CAMK1D: variants seen among roughly 807,000 people sequenced by gnomAD.
CAMK1D encodes calcium/calmodulin-dependent protein kinase type 1D.
A neutral mutation model predicts 47.7 loss-of-function variants in CAMK1D; 9 were observed. The ratio of observed to expected loss-of-function variants is 0.19; its 90% confidence interval spans 0.11 to 0.33. CAMK1D has a LOEUF of 0.33. CAMK1D is among the 10% of genes least tolerant of loss of function. The pLI is 1.00. For missense variants in CAMK1D, 291 were observed against 488.7 expected (o/e 0.60, Z 3.81); for synonymous variants, 184 against 184.9 (o/e 0.99, Z 0.04).
rs1163664501 is a variant in CAMK1D, at chr10:12,417,755, A to G, written c.92+67845A>G. 3.3e-5 allele frequency among the ~76,000 whole-genome samples: 5 copies of G among 151,678 alleles called. No individual in the cohort carries two copies. In the South Asian group the frequency reaches 6.2e-4, roughly 19 times the overall value. Reference sequence around the variant, plus strand: ...GGCTACACTCTTATGTGGAAGGCCAATGGGTAGTGGGCATCTCTATGCTCT... The same window carrying G: ...GGCTACACTCTTATGTGGAAGGCCAGTGGGTAGTGGGCATCTCTATGCTCT... On this transcript the variant is annotated intron_variant, in intron 1 of 10. Coordinates refer to ENST00000619168, the MANE Select transcript of CAMK1D (RefSeq NM_153498.4).
intron 1 of CAMK1D, among the ~76,000 whole-genome samples, chr10:12,371,246 T>C (rs1367229510): frequency 6.6e-6 from 1 of 152,024 alleles, no homozygotes; most frequent in Admixed American, 6.6e-5. Context: ...GAAGCTCCAT[T>C]CATGACTAGT....
At chr10:12,462,156 GTTTTTTTTTTTTT>G (rs57336292) in intron 1 of CAMK1D, among the ~76,000 whole-genome samples, 1,186 of 79,670 alleles carry the variant, frequency 0.015, 18 homozygotes, top group African/African-American at 0.056. Flanking sequence ...CCTATGAAGA[GTTTTTTTTTTTTT>G]TTTTTTTTTT....
At chr10:12,695,060 A>ATAGATAGATAGATAGATAGATACATAGG (rs1554811991) in intron 3 of CAMK1D, among the ~76,000 whole-genome samples, 2 of 86,026 alleles carry the variant, frequency 2.3e-5, no homozygotes, top group South Asian at 3.7e-4. Flanking sequence ...AGATAGATAG[A>ATAGATAGATAGATAGATAGATACATAGG]TAGATACATA....
intron 6 of CAMK1D, among the ~76,000 whole-genome samples, chr10:12,803,989 G>A (rs750005381): frequency 4.6e-5 from 7 of 152,122 alleles, no homozygotes; most frequent in Non-Finnish European, 1.0e-4. Flanking sequence ...GAGGAGCTCC[G>A]CAGCAAGGAA....
rs557331944 is a variant in CAMK1D, at chr10:12,365,659, C to G, written c.92+15749C>G. The stretch of plus-strand genomic sequence containing the variant: ...TTCACCGTGTTAGCCAGGATGGTCT[C>G]GATCTGCTGACCTCGTGATCTGCCT... On this transcript the variant is annotated intron_variant, in intron 1 of 10. Coordinates refer to ENST00000619168, the MANE Select transcript of CAMK1D (RefSeq NM_153498.4). 3.8e-3 allele frequency among the ~76,000 whole-genome samples: 570 copies of G among 151,848 alleles called. 5 individuals carry two copies. The highest frequency in any genetic ancestry group is 0.013 in the African/African-American group (541 of 41,492).
intron 3 of CAMK1D, among the ~76,000 whole-genome samples, chr10:12,670,699 C>G (rs974045312): frequency 2.0e-5 from 3 of 152,092 alleles, no homozygotes; most frequent in Non-Finnish European, 4.4e-5. Context: ...GGGCACCTGC[C>G]ACCATGCCCA....
At chr10:12,597,393 G>T (rs1838175459) in intron 2 of CAMK1D, among the ~76,000 whole-genome samples, 1 of 152,148 alleles carries the variant, frequency 6.6e-6, no homozygotes, top group South Asian at 2.1e-4. Context: ...TTGTGGTTCA[G>T]TTCTGCCTGC....
chr10:12,653,124 A>T (rs1199556925), intron 2 of CAMK1D: 2 of 154,304 alleles, frequency 1.3e-5, no homozygotes, highest in Admixed American at 6.5e-5. Flanking sequence ...GGGGCATCAC[A>T]TGGCTGGGGG....
intron 3 of CAMK1D, among the ~76,000 whole-genome samples, chr10:12,749,547 G>T (rs74927556): frequency 0.12 from 14,099 of 119,384 alleles, 973 homozygotes; most frequent in African/African-American, 0.19. Flanking sequence ...TTGTTTGTTT[G>T]TTTTTTGTTT....
At chr10:12,740,726 G>A (rs557889718) in intron 3 of CAMK1D, among the ~76,000 whole-genome samples, 17 of 152,214 alleles carry the variant, frequency 1.1e-4, no homozygotes, top group Non-Finnish European at 1.5e-4. Flanking sequence ...TCAAGATTTT[G>A]GGAGGCAGTG....
intron 2 of CAMK1D, among the ~76,000 whole-genome samples, chr10:12,654,962 C>A (rs4750247): frequency 0.26 from 40,175 of 152,140 alleles, 5,896 homozygotes; most frequent in Middle Eastern, 0.36. Context: ...CCAATCAAAT[C>A]ATAATCTCCA....
At chr10:12,629,148 T>C (rs1839308017) in intron 2 of CAMK1D, among the ~76,000 whole-genome samples, 2 of 152,188 alleles carry the variant, frequency 1.3e-5, no homozygotes, top group African/African-American at 4.8e-5. Context: ...CGGGAGCTTT[T>C]GTTCAGTGGC....
At chr10:12,395,685 T>C (rs1266820574) in intron 1 of CAMK1D, among the ~76,000 whole-genome samples, 1 of 151,590 alleles carries the variant, frequency 6.6e-6, no homozygotes, top group East Asian at 2.0e-4. Flanking sequence ...GAGGCCGAGG[T>C]TGGTGAATTA....
chr10:12,471,910 C>T (rs539537776), intron 1 of CAMK1D, among the ~76,000 whole-genome samples: 1 of 151,762 alleles, frequency 6.6e-6, no homozygotes, highest in Admixed American at 6.6e-5. Flanking sequence ...TGGTGCGTAC[C>T]TGTTGTCCCA....
chr10:12,690,737 G>A (rs989157144), intron 3 of CAMK1D, among the ~76,000 whole-genome samples: 1 of 152,178 alleles, frequency 6.6e-6, no homozygotes, highest in Non-Finnish European at 1.5e-5. Flanking sequence ...AGTTGTTGCA[G>A]GACTGCGTGG....
intron 1 of CAMK1D, among the ~76,000 whole-genome samples, chr10:12,445,321 C>T (rs73569409): frequency 0.013 from 1,914 of 152,274 alleles, 23 homozygotes; most frequent in East Asian, 0.056. Flanking sequence ...TTTAGAATTT[C>T]ATTTTTGGTT....
intron 1 of CAMK1D, among the ~76,000 whole-genome samples, chr10:12,547,648 C>A (rs989248828): frequency 9.9e-6 from 1 of 101,024 alleles, no homozygotes; most frequent in Admixed American, 9.7e-5. Context: ...CACCCCCCCC[C>A]CAACCCTGCA....
chr10:12,501,711 C>T (rs530987113), intron 1 of CAMK1D, among the ~76,000 whole-genome samples: 4 of 152,208 alleles, frequency 2.6e-5, no homozygotes, highest in East Asian at 3.9e-4. Flanking sequence ...TTGTGTGTGC[C>T]GCTTCTAGTG....
At chr10:12,611,121 T>C (rs1348829951) in intron 2 of CAMK1D, among the ~76,000 whole-genome samples, 1 of 152,110 alleles carries the variant, frequency 6.6e-6, no homozygotes. Flanking sequence ...CAGAACCAGG[T>C]TCTGAATGTA....
Sources: gnomAD v4.1 joint callset for allele counts (sites outside exome capture counted in the v4.1 genomes callset) on GRCh38, gnomAD v4.1.1 for gene constraint, MANE v1.5 for transcripts, NCBI Gene and HGNC (gene_info 2026-07-23, HGNC 2026-07-21) for gene names.